Variants in ASIC2 observed in about 807,000 individuals in gnomAD.
ASIC2 encodes the protein acid-sensing ion channel 2.
ASIC2 carries 25 observed loss-of-function variants against 57.3 expected under a neutral mutation model. The observed-to-expected ratio is 0.44, with a 90% CI of 0.32 to 0.61. The LOEUF (loss-of-function observed/expected upper bound fraction) is 0.61. Ranked by LOEUF, ASIC2 falls within the 20% of genes least tolerant of loss-of-function variation. The probability of loss-of-function intolerance (pLI) is 0.06; values close to 1 mark genes in which losing one functional copy is unlikely to be tolerated. For synonymous variants in ASIC2, 319 were observed against 307.5 expected (o/e 1.04, Z -0.39); for missense variants, 641 against 738.1 (o/e 0.87, Z 1.52).
chr17:34,126,136 G>C (rs1003837), intron 1 of ASIC2, among the ~76,000 whole-genome samples: 135,181 of 152,262 alleles, frequency 0.89, 60,418 homozygotes, highest in African/African-American at 0.97. Context: ...GTGGAGGACT[G>C]AAGGCTCCAG....
At chr17:33,127,059 C>CG (rs2092326385) in intron 1 of ASIC2, among the ~76,000 whole-genome samples, 1 of 150,360 alleles carries the variant, frequency 6.7e-6, no homozygotes, top group South Asian at 2.2e-4. Context: ...TTAGTAGAGA[C>CG]GGGGTTTCAC....
intron 1 of ASIC2, among the ~76,000 whole-genome samples, chr17:33,865,667 G>T (rs1914213060): frequency 6.6e-6 from 1 of 150,444 alleles, no homozygotes; most frequent in Non-Finnish European, 1.5e-5. Flanking sequence ...ATTAGTGGGT[G>T]CAGTGCACCA....
At position 33,377,422 on chromosome 17, in the gene ASIC2, T is replaced by C. The variant is rs115784855; in HGVS notation, c.556-265355A>G. Among the ~76,000 whole-genome samples, 37 of 152,360 alleles carry C rather than the reference T, an allele frequency of 2.4e-4. 1 individual carries two copies. Among genetic ancestry groups the C allele is most frequent in the African/African-American group, 8.2e-4 (34 of 41,592 alleles). ...AAGTGAAAGACTTTTAAAATGGCTG[T>C]AATGGCTCCTTGAGAATTTCTCTCT... On this transcript the variant is annotated intron_variant, in intron 1 of 9. Transcript: ENST00000359872.
intron 1 of ASIC2, among the ~76,000 whole-genome samples, chr17:33,439,773 A>G (rs542132043): frequency 6.6e-6 from 1 of 152,296 alleles, no homozygotes; most frequent in East Asian, 1.9e-4. Context: ...TCTACAGAAT[A>G]ATAAAGATGA....
rs1423969817 is a variant in ASIC2 at position 33,629,156 on chromosome 17, G to A, written c.556-517089C>T. Among the ~76,000 whole-genome samples, 4 of 152,096 alleles carry A rather than the reference G, an allele frequency of 2.6e-5. No individual in the cohort carries two copies. In the East Asian group the frequency reaches 7.7e-4, roughly 29 times the overall value. ...TACATAAGCCCTCCTGGTCCCCCTG[G>A]CTCCCATCCCAGAAACCAGCTTCTG... On this transcript the variant is annotated intron_variant, in intron 1 of 9. Coordinates refer to the ASIC2 transcript ENST00000359872.
chr17:33,602,139 G>A (rs576490377), intron 1 of ASIC2, among the ~76,000 whole-genome samples: 1 of 152,074 alleles, frequency 6.6e-6, no homozygotes, highest in Non-Finnish European at 1.5e-5. Flanking sequence ...TTGGACTTTC[G>A]AGTTGATGCT....
chr17:34,156,721 C>T lies in ASIC2; in HGVS notation c.-189G>A, dbSNP rs1174443242. 3.3e-6 allele frequency: 2 copies of T among 599,776 alleles called. No individual in the cohort carries two copies. The highest frequency in any genetic ancestry group is 5.7e-6 in the Non-Finnish European group (2 of 350,660). 37.2% of individuals were successfully genotyped at this position (599,776 alleles called of 1,614,324 possible). On this transcript the variant is annotated 5_prime_UTR_variant, in exon 1 of 10. Coordinates refer to the ASIC2 transcript ENST00000359872. The surrounding 1 kb of genome is among the most constrained non-coding windows in gnomAD (Gnocchi z 4.4). ...GACAGGGGTGAGTGTTTATATAAAA[C>T]CCATTCAAACTCTAGCTCTTGATTT...
intron 1 of ASIC2, among the ~76,000 whole-genome samples, chr17:33,875,308 CAG>C (rs1031086792): frequency 6.6e-6 from 1 of 152,194 alleles, no homozygotes; most frequent in Admixed American, 6.5e-5. Context: ...GATGGATGAG[CAG>C]AGTTTTCCAG....
At chr17:33,054,893 C>A (rs984816321) in intron 3 of ASIC2, among the ~76,000 whole-genome samples, 12 of 152,106 alleles carry the variant, frequency 7.9e-5, no homozygotes. Context: ...TGATGTAGGG[C>A]GGGCAGGGGG....
At chr17:33,135,860 C>T (rs945674579) in intron 1 of ASIC2, among the ~76,000 whole-genome samples, 1 of 152,226 alleles carries the variant, frequency 6.6e-6, no homozygotes, top group African/African-American at 2.4e-5. Context: ...GCCTTAAGCT[C>T]CTCCAAGCCA....
intron 1 of ASIC2, among the ~76,000 whole-genome samples, chr17:33,640,281 G>C (rs1316227624): frequency 2.0e-5 from 3 of 152,166 alleles, no homozygotes; most frequent in African/African-American, 7.2e-5. Flanking sequence ...TCTAGAAAGA[G>C]AGTATTTAGA....
At position 33,292,586 on chromosome 17, in the gene ASIC2, CTG is replaced by C. The variant is rs780859971; in HGVS notation, c.-473_-472del. The C allele has an allele frequency of 3.1e-4, 305 of 985,692 alleles. No individual in the cohort carries two copies. Among genetic ancestry groups the C allele is most frequent in the Non-Finnish European group, 3.4e-4 (283 of 830,258 alleles). The allele number at this position is 985,692 out of a possible 1,614,324, so 61.1% of individuals were successfully genotyped here. A position where few individuals can be genotyped will look rare whatever the true frequency, so the allele number is the denominator to read the frequency against. On this transcript the variant is annotated 5_prime_UTR_variant, in exon 1 of 10. It adds an upstream start codon to the 5' untranslated region. Transcript: ENST00000225823. Reference sequence around the variant, plus strand: ...GAGAAGGGCCACTCGGCCACCATGCCTGATCTGGACATCCCCAGGGACCCCAC... The same window carrying C: ...GAGAAGGGCCACTCGGCCACCATGCCATCTGGACATCCCCAGGGACCCCAC...
At chr17:33,750,410 T>C (rs1331135380) in intron 1 of ASIC2, among the ~76,000 whole-genome samples, 2 of 152,202 alleles carry the variant, frequency 1.3e-5, no homozygotes, top group Non-Finnish European at 2.9e-5. Context: ...GTGCACGATA[T>C]TGTGCAAAAT....
intron 1 of ASIC2, among the ~76,000 whole-genome samples, chr17:33,848,278 G>A (rs317393): frequency 0.45 from 67,758 of 151,976 alleles, 16,720 homozygotes; most frequent in East Asian, 0.91. Context: ...AATAATGAAC[G>A]TGCCAACTAA....
chr17:33,806,933 A>T (rs1912283682), intron 1 of ASIC2, among the ~76,000 whole-genome samples: 1 of 152,212 alleles, frequency 6.6e-6, no homozygotes. Flanking sequence ...CATGATAAAC[A>T]TTGCATCCCA....
intron 1 of ASIC2, among the ~76,000 whole-genome samples, chr17:33,423,365 G>T (rs574541962): frequency 3.7e-4 from 56 of 152,266 alleles, no homozygotes; most frequent in African/African-American, 1.1e-3. Context: ...GGAACTACAG[G>T]CTGTGATTAA....
At chr17:33,417,867 A>G (rs1221107216) in intron 1 of ASIC2, among the ~76,000 whole-genome samples, 7 of 152,136 alleles carry the variant, frequency 4.6e-5, no homozygotes, top group Admixed American at 1.3e-4. Flanking sequence ...GCTGCTGTGA[A>G]GTGAGGAGGC....
intron 1 of ASIC2, among the ~76,000 whole-genome samples, chr17:33,117,116 A>T (rs1187774513): frequency 2.0e-5 from 3 of 152,036 alleles, no homozygotes; most frequent in African/African-American, 4.8e-5. Flanking sequence ...GGCTTCCTAA[A>T]GCAGTGGGAT....
intron 1 of ASIC2, among the ~76,000 whole-genome samples, chr17:33,548,937 T>G (rs1915663106): frequency 2.0e-5 from 3 of 152,172 alleles, no homozygotes; most frequent in Admixed American, 6.5e-5. Flanking sequence ...TAGTGTTGCC[T>G]TCTTTATTCT....
Sources: gnomAD v4.1 joint callset for allele counts (sites outside exome capture counted in the v4.1 genomes callset) on GRCh38, gnomAD v4.1.1 for gene constraint, Gnocchi (gnomAD v3.1) non-coding constraint, MANE v1.5 for transcripts, NCBI Gene and HGNC (gene_info 2026-07-23, HGNC 2026-07-21) for gene names.